MED13: variants seen among roughly 807,000 people sequenced by gnomAD.
The protein encoded by MED13 is mediator of RNA polymerase II transcription subunit 13.
Under a neutral mutation model 225.2 loss-of-function variants are expected in MED13, and 23 were observed. That is an observed-to-expected ratio of 0.10 (90% CI 0.07 to 0.14). The LOEUF is 0.14. Among genes scored for constraint, MED13 ranks in the 10% least tolerant of loss-of-function variants. The pLI, the probability that MED13 is intolerant of heterozygous loss-of-function variation, is 1.00. For missense variants in MED13, 2,197 were observed against 2,594.5 expected (o/e 0.85, Z 3.33); for synonymous variants, 942 against 889.2 (o/e 1.06, Z -1.06).
chr17:61,956,279 G>C (rs1036682569), intron 24 of MED13, 60 bp downstream of exon 24: 2 of 1,520,722 alleles, frequency 1.3e-6, no homozygotes, highest in Non-Finnish European at 1.8e-6. Flanking sequence ...GACGTGGTCA[G>C]AACTGTGTGT....
At chr17:62,031,707 G>A (rs761135529) in intron 5 of MED13, 69 bp from the exon 6 acceptor site, 18 of 998,668 alleles carry the variant, frequency 1.8e-5, no homozygotes, top group Non-Finnish European at 2.5e-5. Context: ...TCACTCAAAA[G>A]TACTATAATG....
At chr17:61,978,043 A>G (rs905043888) in intron 16 of MED13, among the ~76,000 whole-genome samples, 1 of 152,196 alleles carries the variant, frequency 6.6e-6, no homozygotes, top group African/African-American at 2.4e-5. Context: ...TATTTGGCAA[A>G]TAAGTTGGTT....
In MED13 at chr17:61,952,337, T is replaced by C. The variant is rs2079903670; in HGVS notation, c.6117+628A>G. The stretch of plus-strand genomic sequence containing the variant: ...ATGGTCAGTGTTTTATCTGGTCTTA[T>C]GAGAAAATTAATATTTTTATTATAT... On this transcript the variant is annotated intron_variant, in intron 27 of 29. Transcript: ENST00000397786. 9.2e-5 allele frequency among the ~76,000 whole-genome samples: 14 copies of C among 152,200 alleles called. No homozygotes were observed. The South Asian group carries it at 2.9e-3, about 31-fold the overall frequency.
intron 17 of MED13, among the ~76,000 whole-genome samples, chr17:61,969,629 T>C (rs780950515): frequency 6.6e-6 from 1 of 152,172 alleles, no homozygotes; most frequent in Non-Finnish European, 1.5e-5. Flanking sequence ...TTTGAGACAG[T>C]CTTGCTCTGT....
At chr17:62,051,968 T>A (rs1167891749) in intron 3 of MED13, among the ~76,000 whole-genome samples, 2 of 152,240 alleles carry the variant, frequency 1.3e-5, no homozygotes, top group Non-Finnish European at 2.9e-5. Flanking sequence ...ATAAGTCTTC[T>A]GTGCCTCTAT....
At chr17:61,992,709 T>C (rs1354007006) in intron 10 of MED13, 88 bp from the exon 11 acceptor site, 3 of 843,458 alleles carry the variant, frequency 3.6e-6, no homozygotes, top group Non-Finnish European at 6.0e-6. Flanking sequence ...GTGTCAGGCA[T>C]CCAGCTAAGT....
chr17:62,047,973 A>G (rs1390201014), intron 3 of MED13, among the ~76,000 whole-genome samples: 1 of 150,556 alleles, frequency 6.6e-6, no homozygotes, highest in Non-Finnish European at 1.5e-5. Flanking sequence ...GTCAAACCAC[A>G]GAATCCCAGA....
At chr17:62,062,189 A>C (rs1453129578) in intron 2 of MED13, among the ~76,000 whole-genome samples, 1 of 152,232 alleles carries the variant, frequency 6.6e-6, no homozygotes, top group African/African-American at 2.4e-5. Flanking sequence ...ATCATTATCA[A>C]ACTATCTTAC....
At chr17:61,954,531 C>T (rs752896946) in intron 26 of MED13, among the ~76,000 whole-genome samples, 2 of 152,146 alleles carry the variant, frequency 1.3e-5, no homozygotes, top group African/African-American at 2.4e-5. Context: ...AATCCCCGCA[C>T]TTTGGGAGGC....
intron 1 of MED13, 75 bp downstream of exon 1, chr17:62,065,065 C>T (rs1184118699): frequency 6.6e-6 from 9 of 1,359,334 alleles, no homozygotes; most frequent in South Asian, 2.7e-5. Context: ...GGACCAGACC[C>T]GGCCCCCTCC....
At chr17:61,983,330 C>T (rs1286087422) in intron 15 of MED13, among the ~76,000 whole-genome samples, 1 of 152,076 alleles carries the variant, frequency 6.6e-6, no homozygotes, top group Non-Finnish European at 1.5e-5. Flanking sequence ...TTAACAAGTT[C>T]AAAAATCATT....
At chr17:62,011,538 G>A (rs1444459266) in intron 8 of MED13, among the ~76,000 whole-genome samples, 3 of 152,096 alleles carry the variant, frequency 2.0e-5, no homozygotes, top group African/African-American at 7.2e-5. Flanking sequence ...AAATATAGAG[G>A]TAAGATTCTA....
At chr17:62,033,761 T>C (rs755621884) in intron 5 of MED13, 26 bp downstream of exon 5, 7 of 1,604,218 alleles carry the variant, frequency 4.4e-6, no homozygotes, top group Non-Finnish European at 5.1e-6. Context: ...CATTTTCCCC[T>C]TAGGAATAAT....
At chr17:61,970,748 A>C (rs993648998) in intron 17 of MED13, among the ~76,000 whole-genome samples, 6 of 142,036 alleles carry the variant, frequency 4.2e-5, no homozygotes, top group Non-Finnish European at 7.6e-5. Flanking sequence ...TTTTTCTTGA[A>C]ATACACGTCT....
At chr17:61,968,501 A>G (rs1228583708) in intron 17 of MED13, among the ~76,000 whole-genome samples, 2 of 151,682 alleles carry the variant, frequency 1.3e-5, no homozygotes, top group African/African-American at 4.8e-5. Flanking sequence ...AATTTTTTGT[A>G]TTTTTTAGTA....
In MED13 at chr17:62,010,651, C is replaced by T. The variant is rs1482917425; in HGVS notation, c.1866G>A (p.Lys622=). The T allele has an allele frequency of 4.0e-6, 6 of 1,495,496 alleles. No homozygotes were observed. The highest frequency in any genetic ancestry group is 1.4e-5 in the African/African-American group (1 of 71,180). 92.6% of individuals were successfully genotyped at this position (1,495,496 alleles called of 1,614,324 possible). A position where few individuals can be genotyped will look rare whatever the true frequency, so the allele number is the denominator to read the frequency against. Residue 622 remains lysine (K), a synonymous_variant, in exon 9 of 30, where the codon AAG becomes AAA. Coordinates refer to ENST00000397786, the MANE Select transcript of MED13 (RefSeq NM_005121.3). ...NIAWKYYKFP[K]KKDVEFLPPQ... ...GTGGTAAAAACTCTACATCTTTTTTCTTTGGGAACTTGTAATACTTCCAGG... is the reference window on the plus strand; with the variant it reads ...GTGGTAAAAACTCTACATCTTTTTTTTTTGGGAACTTGTAATACTTCCAGG...
intron 3 of MED13, among the ~76,000 whole-genome samples, chr17:62,047,161 A>G (rs1192562081): frequency 2.6e-5 from 4 of 152,114 alleles, no homozygotes; most frequent in African/African-American, 9.7e-5. Context: ...ACCTGAGGTC[A>G]GGAGTTCGAG....
intron 28 of MED13, among the ~76,000 whole-genome samples, chr17:61,949,879 C>T (rs991705858): frequency 6.6e-6 from 1 of 151,968 alleles, no homozygotes; most frequent in Non-Finnish European, 1.5e-5. Context: ...GAAACGGGGT[C>T]TCACCATGTT....
chr17:62,034,983 T>C (rs893222578), intron 4 of MED13, among the ~76,000 whole-genome samples: 1 of 151,954 alleles, frequency 6.6e-6, no homozygotes, highest in Non-Finnish European at 1.5e-5. Context: ...TGGCCAGGCT[T>C]GGTGGAACGC....
Sources: allele counts gnomAD v4.1 joint callset (sites outside exome capture counted in the v4.1 genomes callset), GRCh38; gene constraint gnomAD v4.1.1; transcripts MANE v1.5; gene names NCBI Gene and HGNC (gene_info 2026-07-23, HGNC 2026-07-21).